The following ZHX2 variants were observed in gnomAD, a reference collection of about 807,000 sequenced individuals.
ZHX2 encodes zinc fingers and homeoboxes 2.
ZHX2 carries 6 observed loss-of-function variants against 21.9 expected under a neutral mutation model. That is an observed-to-expected ratio of 0.27 (90% confidence interval 0.15 to 0.54). ZHX2 has a LOEUF of 0.54. Ranked by LOEUF, ZHX2 falls within the 20% of genes least tolerant of loss-of-function variation. ZHX2 has a pLI of 0.95. For synonymous variants in ZHX2, 434 were observed against 437.1 expected, an observed-to-expected ratio of 0.99 and a Z score of 0.09; for missense variants, 908 against 1,090.7, an observed-to-expected ratio of 0.83 and a Z score of 2.36.
At chr8:122,815,330 T>A (rs1387823181) in intron 1 of ZHX2, 1 of 152,034 alleles carries the variant, frequency 6.6e-6, no homozygotes, top group East Asian at 1.9e-4. Context: ...AGGAAAAAAG[T>A]GAATATAAGA....
At chr8:122,969,089 A>C (rs1323587170) in intron 3 of ZHX2, among the ~76,000 whole-genome samples, 1 of 151,924 alleles carries the variant, frequency 6.6e-6, no homozygotes, top group Admixed American at 6.6e-5. Flanking sequence ...TGAGCCCAGG[A>C]GGTGGGGATT....
chr8:122,903,315 C>T (rs1433851358), intron 2 of ZHX2, among the ~76,000 whole-genome samples: 1 of 152,124 alleles, frequency 6.6e-6, no homozygotes, highest in Admixed American at 6.5e-5. Context: ...GTTATTCTTT[C>T]CAAAAGAGTA....
At chr8:122,887,099 G>A (rs1367344641) in intron 2 of ZHX2, among the ~76,000 whole-genome samples, 1 of 150,394 alleles carries the variant, frequency 6.6e-6, no homozygotes, top group Non-Finnish European at 1.5e-5. Context: ...GTGTGTACAT[G>A]AGTGAGTTAG....
chr8:122,953,542 G>A lies in ZHX2; in HGVS notation c.2032G>A (p.Glu678Lys). ...VRTEIVRWFK[E>K]NRCLLKTGTV... is the part of the protein sequence containing the mutation. ...AACTGAGATTGTGCGTTGGTTCAAG[G>A]AGAACAGATGCTTGCTGAAAACGGG... The change falls in exon 3 of 4, where the codon GAG (glutamate) becomes AAG (lysine). Residue 678 changes from glutamate (E) to lysine (K), a missense_variant. Transcript: ENST00000314393. This position sits in a 1 kb window ranked among gnomAD's most constrained non-coding sequence, Gnocchi z 4.6. The A allele has an allele frequency of 1.9e-6, 3 of 1,614,236 alleles. No homozygotes were observed. The highest frequency in any genetic ancestry group is 2.5e-6 in the Non-Finnish European group (3 of 1,180,050).
At chr8:122,968,557 G>A (rs1241601478) in intron 3 of ZHX2, among the ~76,000 whole-genome samples, 2 of 152,190 alleles carry the variant, frequency 1.3e-5, no homozygotes, top group Non-Finnish European at 2.9e-5. Context: ...TTATGAGGCA[G>A]GCCAGGCACG....
chr8:122,856,743 T>C (rs1351864731), intron 1 of ZHX2, among the ~76,000 whole-genome samples: 2 of 152,096 alleles, frequency 1.3e-5, no homozygotes, highest in Admixed American at 1.3e-4. Flanking sequence ...CTTCTAAAGA[T>C]CGCAGGGTGC....
intron 1 of ZHX2, among the ~76,000 whole-genome samples, chr8:122,829,415 G>A (rs976051594): frequency 2.6e-5 from 4 of 152,202 alleles, no homozygotes; most frequent in African/African-American, 9.7e-5. Flanking sequence ...GCTTAGAGTT[G>A]GGTAATGAAC....
chr8:122,946,022 G>A (rs915647508), intron 2 of ZHX2, among the ~76,000 whole-genome samples: 1 of 152,174 alleles, frequency 6.6e-6, no homozygotes, highest in African/African-American at 2.4e-5. Context: ...TGAGACACTG[G>A]CCCAGGGCAA....
intron 1 of ZHX2, among the ~76,000 whole-genome samples, chr8:122,793,707 T>C (rs1227054602): frequency 6.6e-6 from 1 of 152,212 alleles, no homozygotes; most frequent in African/African-American, 2.4e-5. Flanking sequence ...ATGATAGAAA[T>C]GATGAGAGCC....
intron 1 of ZHX2, among the ~76,000 whole-genome samples, chr8:122,854,001 A>T (rs894253825): frequency 6.6e-6 from 1 of 152,102 alleles, no homozygotes; most frequent in Non-Finnish European, 1.5e-5. Context: ...GGCTCCTGAG[A>T]GCGCCTCAGT....
chr8:122,891,299 T>C (rs963758785), intron 2 of ZHX2, among the ~76,000 whole-genome samples: 6 of 149,904 alleles, frequency 4.0e-5, no homozygotes, highest in African/African-American at 1.2e-4. Flanking sequence ...TGTGTGTGTG[T>C]GTGTGTGTGT....
In ZHX2 at chr8:122,870,484, A is replaced by G. The variant is rs920122354; in HGVS notation, c.-220+6945A>G. 2.0e-5 allele frequency among the ~76,000 whole-genome samples: 3 copies of G among 151,650 alleles called. No individual in the cohort carries two copies. The South Asian group carries it at 6.3e-4, about 32-fold the overall frequency. On this transcript the variant is annotated intron_variant, in intron 2 of 3. Transcript: ENST00000314393. ...ATCTCCACTAAAAATTAAAAATAAA[A>G]AAAAAATAGCTGGGCGTAGTGACAG...
At chr8:122,948,953 A>C in intron 2 of ZHX2, among the ~76,000 whole-genome samples, 1 of 152,248 alleles carries the variant, frequency 6.6e-6, no homozygotes, top group Non-Finnish European at 1.5e-5. Flanking sequence ...AAGAGAAAAA[A>C]ATTGGTAAAT....
chr8:122,945,668 C>T (rs1484620939), intron 2 of ZHX2, among the ~76,000 whole-genome samples: 2 of 152,124 alleles, frequency 1.3e-5, no homozygotes, highest in Non-Finnish European at 2.9e-5. Context: ...AGTTATCCCA[C>T]GAGGAGCAGG....
chr8:122,925,907 C>T (rs1820837782), intron 2 of ZHX2, among the ~76,000 whole-genome samples: 1 of 152,054 alleles, frequency 6.6e-6, no homozygotes, highest in Non-Finnish European at 1.5e-5. Context: ...ATTGTGACTG[C>T]AAGTGGAGAA....
chr8:122,961,269 C>A (rs945136464), intron 3 of ZHX2, among the ~76,000 whole-genome samples: 3 of 152,170 alleles, frequency 2.0e-5, no homozygotes, highest in African/African-American at 7.2e-5. Context: ...CTTGTAAGGA[C>A]ACCAGTCCTA....
intron 1 of ZHX2, among the ~76,000 whole-genome samples, chr8:122,791,734 A>C (rs770325865): frequency 7.2e-5 from 11 of 152,092 alleles, no homozygotes; most frequent in Non-Finnish European, 1.5e-4. Flanking sequence ...GCGTGGTGGC[A>C]CATGCCTCTA....
At chr8:122,783,445 C>T (rs955322085) in intron 1 of ZHX2, among the ~76,000 whole-genome samples, 5 of 152,138 alleles carry the variant, frequency 3.3e-5, no homozygotes, top group African/African-American at 4.8e-5. Context: ...CTTCCCCCAG[C>T]ACTTCTTGAA....
chr8:122,957,695 T>C (rs1813344273), intron 3 of ZHX2, among the ~76,000 whole-genome samples: 1 of 152,146 alleles, frequency 6.6e-6, no homozygotes, highest in Non-Finnish European at 1.5e-5. Context: ...GGTCTCAAAC[T>C]CCTGACCTCA....
Sources: gnomAD v4.1 joint callset for allele counts (sites outside exome capture counted in the v4.1 genomes callset) on GRCh38, gnomAD v4.1.1 for gene constraint, Gnocchi (gnomAD v3.1) non-coding constraint, MANE v1.5 for transcripts, NCBI Gene and HGNC (gene_info 2026-07-23, HGNC 2026-07-21) for gene names.